The following FHIT variants were observed in gnomAD, a reference collection of about 807,000 sequenced individuals.
FHIT encodes fragile histidine triad diadenosine triphosphatase.
Under a neutral mutation model 17.9 loss-of-function variants are expected in FHIT, and 19 were observed. That is an observed-to-expected ratio of 1.06 (90% CI 0.74 to 1.56). The LOEUF (loss-of-function observed/expected upper bound fraction) is 1.56, where lower values mean the gene tolerates loss of function less well. Ranked by LOEUF, FHIT falls within the 40% of genes most tolerant of loss-of-function variation. The pLI, the probability that FHIT is intolerant of heterozygous loss-of-function variation, is 0.00. For synonymous variants in FHIT, 81 were observed against 69.7 expected, an observed-to-expected ratio of 1.16 and a Z score of -0.81; for missense variants, 248 against 189.2, an observed-to-expected ratio of 1.31 and a Z score of -1.82.
chr3:60,865,388 A>T (rs1553753632), intron 3 of FHIT, among the ~76,000 whole-genome samples: 3 of 152,216 alleles, frequency 2.0e-5, no homozygotes, highest in African/African-American at 7.2e-5. Flanking sequence ...CAGCACATGT[A>T]TCAGACATGT....
intron 3 of FHIT, among the ~76,000 whole-genome samples, chr3:60,848,354 A>C (rs1016625204): frequency 6.6e-6 from 1 of 152,084 alleles, no homozygotes; most frequent in Admixed American, 6.5e-5. Flanking sequence ...TTTTTTTGCA[A>C]TTTTAACTAA....
At chr3:61,118,982 G>A (rs973366141) in intron 2 of FHIT, among the ~76,000 whole-genome samples, 1 of 152,144 alleles carries the variant, frequency 6.6e-6, no homozygotes, top group African/African-American at 2.4e-5. Context: ...ATGATGATCA[G>A]GGAAGACATT....
intron 3 of FHIT, among the ~76,000 whole-genome samples, chr3:61,019,939 A>G (rs1048132017): frequency 6.6e-6 from 1 of 152,184 alleles, no homozygotes; most frequent in African/African-American, 2.4e-5. Flanking sequence ...ATAGGTATAC[A>G]CATGCCATAG....
chr3:60,108,771 C>G (rs1318170929), intron 5 of FHIT, among the ~76,000 whole-genome samples: 1 of 151,778 alleles, frequency 6.6e-6, no homozygotes, highest in Non-Finnish European at 1.5e-5. Context: ...TCAAGTGATT[C>G]TCCTACCTCA....
At chr3:61,226,988 A>G (rs1308967612) in intron 1 of FHIT, among the ~76,000 whole-genome samples, 2 of 152,234 alleles carry the variant, frequency 1.3e-5, no homozygotes, top group Non-Finnish European at 2.9e-5. Flanking sequence ...GCCTGAAAAA[A>G]AACGAAGTAG....
At position 61,164,631 on chromosome 3, in the gene FHIT, ATT is replaced by A. The variant is rs34779032; in HGVS notation, c.-164+35984_-164+35985del. Among the ~76,000 whole-genome samples, 152 of 150,412 alleles carry A rather than the reference ATT, an allele frequency of 1.0e-3. 3 individuals are homozygous for A. The East Asian group carries it at 0.012, about 12-fold the overall frequency. On this transcript the variant is annotated intron_variant, in intron 2 of 9. Coordinates refer to ENST00000492590, the MANE Select transcript of FHIT (RefSeq NM_002012.4). ...ACTATCCCACAGAAATGTGGTAAGA[ATT>A]TTTTTTTTTTGTTTCAACTTTTATT...
intron 5 of FHIT, among the ~76,000 whole-genome samples, chr3:60,135,268 G>A (rs7638267): frequency 0.11 from 16,656 of 151,966 alleles, 1,161 homozygotes; most frequent in African/African-American, 0.19. Flanking sequence ...ACAGCGTCAC[G>A]TCCTTAAAAT....
At chr3:60,311,483 G>A (rs1708943844) in intron 5 of FHIT, among the ~76,000 whole-genome samples, 1 of 152,080 alleles carries the variant, frequency 6.6e-6, no homozygotes, top group Non-Finnish European at 1.5e-5. Context: ...TTCACTATAT[G>A]GCTACTGTGT....
intron 5 of FHIT, among the ~76,000 whole-genome samples, chr3:60,213,571 AT>A (rs1703557188): frequency 6.6e-6 from 1 of 152,046 alleles, no homozygotes; most frequent in African/African-American, 2.4e-5. Context: ...CCAACAACAG[AT>A]TTTTCCCACT....
At chr3:60,711,366 G>A (rs1243084579) in intron 4 of FHIT, among the ~76,000 whole-genome samples, 14 of 152,180 alleles carry the variant, frequency 9.2e-5, no homozygotes, top group East Asian at 1.9e-4. Context: ...AAAGCAGAGC[G>A]CCTCTCCTCC....
chr3:61,040,762 C>T (rs185987559), intron 3 of FHIT, among the ~76,000 whole-genome samples: 20 of 152,302 alleles, frequency 1.3e-4, no homozygotes, highest in Non-Finnish European at 2.6e-4. Context: ...CATCCCATCC[C>T]TATTCAGTTA....
chr3:60,530,250 G>C (rs2035726348), intron 5 of FHIT, among the ~76,000 whole-genome samples: 1 of 152,190 alleles, frequency 6.6e-6, no homozygotes, highest in South Asian at 2.1e-4. Context: ...GGAGCCAGAA[G>C]AGTCAAGGAA....
intron 4 of FHIT, among the ~76,000 whole-genome samples, chr3:60,691,217 G>C (rs1422369945): frequency 6.6e-6 from 1 of 152,028 alleles, no homozygotes; most frequent in Non-Finnish European, 1.5e-5. Context: ...TCTGCCTCAA[G>C]AACATCTGTG....
intron 5 of FHIT, among the ~76,000 whole-genome samples, chr3:60,474,202 G>T (rs983111502): frequency 6.6e-6 from 1 of 152,186 alleles, no homozygotes; most frequent in Non-Finnish European, 1.5e-5. Context: ...AGCACCAAAG[G>T]CTAGAGTTTC....
intron 3 of FHIT, among the ~76,000 whole-genome samples, chr3:60,898,985 C>T (rs1368496536): frequency 6.6e-6 from 1 of 152,182 alleles, no homozygotes; most frequent in Non-Finnish European, 1.5e-5. Flanking sequence ...TAATGGCCTA[C>T]ACTTCTAAAT....
intron 8 of FHIT, among the ~76,000 whole-genome samples, chr3:59,846,097 G>C (rs143960349): frequency 6.6e-6 from 1 of 152,014 alleles, no homozygotes; most frequent in East Asian, 1.9e-4. Flanking sequence ...AGTAATTACT[G>C]TTAAGGAGAG....
chr3:60,962,964 T>C (rs1292522233), intron 3 of FHIT, among the ~76,000 whole-genome samples: 1 of 152,172 alleles, frequency 6.6e-6, no homozygotes, highest in East Asian at 1.9e-4. Flanking sequence ...AGGGAGGATT[T>C]CCTCTTTTTC....
At chr3:60,304,672 G>A (rs190869489) in intron 5 of FHIT, among the ~76,000 whole-genome samples, 13 of 152,142 alleles carry the variant, frequency 8.5e-5, no homozygotes, top group Admixed American at 2.6e-4. Flanking sequence ...TATATTGCAT[G>A]GGACATACTT....
intron 4 of FHIT, among the ~76,000 whole-genome samples, chr3:60,805,391 G>T (rs988293107): frequency 2.0e-5 from 3 of 151,996 alleles, no homozygotes; most frequent in Admixed American, 1.3e-4. Context: ...CCTGGCTTGC[G>T]TATGGCTGCC....
Sources: allele counts gnomAD v4.1 joint callset (sites outside exome capture counted in the v4.1 genomes callset), GRCh38; gene constraint gnomAD v4.1.1; transcripts MANE v1.5; gene names NCBI Gene and HGNC (gene_info 2026-07-23, HGNC 2026-07-21).